Variants in LRCH3 observed in about 807,000 individuals in gnomAD.
LRCH3 encodes the protein DISP complex protein LRCH3.
A neutral mutation model predicts 104.5 loss-of-function variants in LRCH3; 68 were observed. The ratio of observed to expected loss-of-function variants is 0.65; its 90% CI spans 0.54 to 0.80. The LOEUF (loss-of-function observed/expected upper bound fraction) is 0.80, where lower values mean the gene tolerates loss of function less well. Ranked by LOEUF, LRCH3 falls within the 30% of genes least tolerant of loss-of-function variation. The pLI, the probability that LRCH3 is intolerant of heterozygous loss-of-function variation, is 0.00. For missense variants in LRCH3, 951 were observed against 953.9 expected, an observed-to-expected ratio of 1.00 and a Z score of 0.04; for synonymous variants, 344 against 361.3, an observed-to-expected ratio of 0.95 and a Z score of 0.54.
chr3:197,834,001 T>G lies in LRCH3; in HGVS notation c.1103-1673T>G. ...TAATAAAACTCTAATAACTCAAAAT[T>G]CAATTTTATATTAATTGTAGTCACA... On this transcript the variant is annotated intron_variant, in intron 8 of 20. Transcript: ENST00000425562. 1.3e-5 allele frequency among the ~76,000 whole-genome samples: 2 copies of G among 152,246 alleles called. 1 individual carries two copies. The highest frequency in any genetic ancestry group is 3.8e-4 in the East Asian group (2 of 5,206).
Position 197,883,454 on chromosome 3 carries a change from G to A in LRCH3, c.2209-87G>A. ...TATCTAAGTTGATGATTGTGAAGGG[G>A]AGAAGTGCTTATTTTTTCCTTTCAG... On this transcript the variant is annotated intron_variant, in intron 20 of 20. Coordinates refer to ENST00000425562, the MANE Select transcript of LRCH3 (RefSeq NM_001365715.1). The surrounding 1 kb of genome is among the most constrained non-coding windows in gnomAD (Gnocchi z 4.2). 1 of 1,453,036 alleles carries A rather than the reference G, an allele frequency of 6.9e-7. No homozygotes were observed. The highest frequency in any genetic ancestry group is 9.1e-7 in the Non-Finnish European group (1 of 1,096,520). The allele number at this position is 1,453,036 out of a possible 1,614,324, so 90.0% of individuals were successfully genotyped here.
chr3:197,840,634 C>T (rs6779218), intron 10 of LRCH3, among the ~76,000 whole-genome samples: 87,162 of 151,904 alleles, frequency 0.57, 25,454 homozygotes, highest in African/African-American at 0.68. Context: ...TCTTAAGTGA[C>T]GGTGAATTTA....
chr3:197,879,583 T>G (rs113647565), intron 20 of LRCH3, among the ~76,000 whole-genome samples: 4 of 151,888 alleles, frequency 2.6e-5, no homozygotes, highest in South Asian at 4.2e-4. Flanking sequence ...GAGGCGGAGC[T>G]TGCAGTGAGC....
At chr3:197,868,922 T>C (rs79074773) in intron 17 of LRCH3, among the ~76,000 whole-genome samples, 16,407 of 152,212 alleles carry the variant, frequency 0.11, 922 homozygotes, top group African/African-American at 0.12. Flanking sequence ...GTGAGGAGAA[T>C]TTTTTGAGCA....
At chr3:197,826,808 A>G (rs1367313077) in intron 4 of LRCH3, 70 bp from the exon 5 acceptor site, 7 of 1,556,042 alleles carry the variant, frequency 4.5e-6, no homozygotes, top group Non-Finnish European at 6.2e-6. Flanking sequence ...ACATTTAACT[A>G]GAAGCTTTGT....
At chr3:197,835,497 T>TAAA (rs79382131) in intron 8 of LRCH3, among the ~76,000 whole-genome samples, 177 bp from the exon 9 acceptor site, 2 of 135,102 alleles carry the variant, frequency 1.5e-5, no homozygotes, top group Non-Finnish European at 1.6e-5. Flanking sequence ...ATAAAATGGG[T>TAAA]AAAAAAAAAA....
intron 19 of LRCH3, among the ~76,000 whole-genome samples, chr3:197,872,456 C>G (rs866351225): frequency 1.3e-5 from 2 of 151,546 alleles, no homozygotes; most frequent in South Asian, 4.2e-4. Context: ...CCAAGCCAGG[C>G]TCAGTGGCTT....
At chr3:197,846,231 C>T (rs1463298487) in intron 10 of LRCH3, among the ~76,000 whole-genome samples, 3 of 151,856 alleles carry the variant, frequency 2.0e-5, no homozygotes, top group East Asian at 3.9e-4. Context: ...TAGCAAAACC[C>T]GGTCTCTACA....
chr3:197,845,063 T>C (rs1175312698), intron 10 of LRCH3, among the ~76,000 whole-genome samples: 2 of 152,092 alleles, frequency 1.3e-5, no homozygotes, highest in African/African-American at 2.4e-5. Context: ...GGGTGCAAAA[T>C]ACAGTAATGA....
Position 197,826,967 on chromosome 3 carries a change from C to CGT in LRCH3, c.730_731insGT (p.Gln244ArgfsTer6). The CGT allele has an allele frequency of 6.2e-7, 1 of 1,614,030 alleles. No individual in the cohort carries two copies. Among genetic ancestry groups the CGT allele is most frequent in the Non-Finnish European group, 8.5e-7 (1 of 1,180,014 alleles). On this transcript the variant is annotated frameshift_variant, in exon 5 of 21. Coordinates refer to ENST00000425562, the MANE Select transcript of LRCH3 (RefSeq NM_001365715.1). LOFTEE classifies it high-confidence loss of function. ...TTGTTATCGGAACCTCAGGCACCTACAGACGATCACCCTAGATAACAATCC... is the reference window on the plus strand; with the variant it reads ...TTGTTATCGGAACCTCAGGCACCTACGTAGACGATCACCCTAGATAACAATCC...
At chr3:197,880,674 ACTCT>A in intron 20 of LRCH3, 4 of 1,536,620 alleles carry the variant, frequency 2.6e-6, no homozygotes, top group Non-Finnish European at 3.5e-6. Context: ...TGTGATGTTA[ACTCT>A]CTGTGTGCTT....
chr3:197,839,303 T>C lies in LRCH3; in HGVS notation c.1252-18T>C, dbSNP rs947447344. Reference sequence around the variant, plus strand: ...GGATTAATATACTAAATTTATTTATTTCTGTCCTCTGGCCTAGGGTTCACC... The same window carrying C: ...GGATTAATATACTAAATTTATTTATCTCTGTCCTCTGGCCTAGGGTTCACC... On this transcript the variant is annotated intron_variant, in intron 9 of 20. Transcript: ENST00000425562. 1.9e-6 allele frequency: 3 copies of C among 1,544,544 alleles called. No individual in the cohort carries two copies. In the Admixed American group the frequency reaches 6.1e-5, roughly 31 times the overall value.
At chr3:197,858,995 GAAATATAGGATCGCAT>G in intron 15 of LRCH3, 90 bp downstream of exon 15, 8 of 901,294 alleles carry the variant, frequency 8.9e-6, no homozygotes, top group South Asian at 7.9e-5. Context: ...CTAACAATCT[GAAATATAGGATCGCAT>G]AAATATACCT....
intron 20 of LRCH3, among the ~76,000 whole-genome samples, chr3:197,879,787 C>A (rs892848376): frequency 6.6e-6 from 1 of 151,738 alleles, no homozygotes; most frequent in Admixed American, 6.6e-5. Context: ...CAAAAACGTC[C>A]GTCTCCTCAG....
intron 4 of LRCH3, chr3:197,823,222 C>T (rs1178502266): frequency 1.3e-5 from 2 of 151,686 alleles, no homozygotes; most frequent in Admixed American, 6.6e-5. Context: ...CCTGCCTCAG[C>T]CTCCCAAAGT....
intron 6 of LRCH3, 37 bp downstream of exon 6, chr3:197,829,710 T>G: frequency 7.1e-7 from 1 of 1,408,442 alleles, no homozygotes; most frequent in Non-Finnish European, 9.8e-7. Context: ...TCATATTTTT[T>G]GTACAGAGAA....
intron 20 of LRCH3, chr3:197,880,630 T>C: frequency 6.5e-7 from 1 of 1,536,840 alleles, no homozygotes; most frequent in Non-Finnish European, 8.7e-7. Flanking sequence ...TGTCTCTCTC[T>C]GCAGCTTCTG....
At chr3:197,812,154 C>T (rs1037616581) in intron 1 of LRCH3, among the ~76,000 whole-genome samples, 3 of 152,182 alleles carry the variant, frequency 2.0e-5, no homozygotes, top group Non-Finnish European at 2.9e-5. Context: ...CAGACTGCAA[C>T]ACTGTATGCG....
intron 1 of LRCH3, among the ~76,000 whole-genome samples, chr3:197,807,850 T>C (rs995849340): frequency 6.6e-6 from 1 of 152,206 alleles, no homozygotes; most frequent in African/African-American, 2.4e-5. Context: ...TTGAGTGACG[T>C]ATAGAAACCT....
Sources: gnomAD v4.1 joint callset for allele counts (sites outside exome capture counted in the v4.1 genomes callset) on GRCh38, gnomAD v4.1.1 for gene constraint, Gnocchi (gnomAD v3.1) non-coding constraint, MANE v1.5 for transcripts, NCBI Gene and HGNC (gene_info 2026-07-23, HGNC 2026-07-21) for gene names.